CNTN5: variants seen among roughly 807,000 people sequenced by gnomAD.
CNTN5 encodes contactin 5, also known as contactin-5.
Under a neutral mutation model 129.1 loss-of-function variants are expected in CNTN5, and 77 were observed. The observed-to-expected ratio is 0.60, with a 90% CI of 0.50 to 0.72. CNTN5 has a LOEUF of 0.72. Ranked by LOEUF, CNTN5 falls within the 30% of genes least tolerant of loss-of-function variation. The pLI is 0.00. For synonymous variants in CNTN5, 509 were observed against 465.6 expected, an observed-to-expected ratio of 1.09 and a Z score of -1.20; for missense variants, 1,478 against 1,328.8, an observed-to-expected ratio of 1.11 and a Z score of -1.75.
At chr11:99,711,130 C>T (rs1954970538) in intron 3 of CNTN5, among the ~76,000 whole-genome samples, 1 of 151,810 alleles carries the variant, frequency 6.6e-6, no homozygotes, top group Non-Finnish European at 1.5e-5. Context: ...TTTGATTGTT[C>T]CTTCACCTTA....
chr11:99,560,078 A>G (rs1324149114), intron 3 of CNTN5, among the ~76,000 whole-genome samples: 1 of 152,100 alleles, frequency 6.6e-6, no homozygotes. Flanking sequence ...GAAGCAAAGG[A>G]CATTTTTTAG....
chr11:100,283,199 C>A (rs1428957807), intron 18 of CNTN5, among the ~76,000 whole-genome samples: 3 of 152,066 alleles, frequency 2.0e-5, no homozygotes, highest in Non-Finnish European at 4.4e-5. Flanking sequence ...CTTTCTTGCC[C>A]AGGATGTGTC....
intron 6 of CNTN5, among the ~76,000 whole-genome samples, chr11:99,915,502 T>C (rs1741622369): frequency 6.6e-6 from 1 of 152,164 alleles, no homozygotes; most frequent in South Asian, 2.1e-4. Flanking sequence ...TAGGCTTTCA[T>C]AAAATGAAAG....
chr11:100,093,694 A>G (rs141245066), intron 13 of CNTN5, among the ~76,000 whole-genome samples: 1,642 of 152,216 alleles, frequency 0.011, 36 homozygotes, highest in African/African-American at 0.037. Context: ...GTTCAGGGCC[A>G]CAATCAGGAC....
At position 99,234,384 on chromosome 11, in the gene CNTN5, C is replaced by T. The variant is rs536219007; in HGVS notation, c.-209-90962C>T. On this transcript the variant is annotated intron_variant, in intron 1 of 24. Coordinates refer to ENST00000524871, the MANE Select transcript of CNTN5 (RefSeq NM_014361.4). Reference sequence around the variant, plus strand: ...AAATAAAGGATTCTGTCTTCCTCAACGCTCTATTCGTAGATCTTAGCATTA... The same window carrying T: ...AAATAAAGGATTCTGTCTTCCTCAATGCTCTATTCGTAGATCTTAGCATTA... Among the ~76,000 whole-genome samples, 8 of 152,250 alleles carry T rather than the reference C, an allele frequency of 5.3e-5. No homozygotes were observed. In the East Asian group the frequency reaches 5.8e-4, roughly 11 times the overall value.
chr11:100,318,655 T>C (rs888797218), intron 21 of CNTN5, among the ~76,000 whole-genome samples: 8 of 152,272 alleles, frequency 5.3e-5, no homozygotes, highest in Non-Finnish European at 5.9e-5. Context: ...TTCTAAATTG[T>C]GAAAAAATCT....
chr11:99,718,485 A>G (rs1943059157), intron 3 of CNTN5, among the ~76,000 whole-genome samples: 1 of 152,144 alleles, frequency 6.6e-6, no homozygotes, highest in African/African-American at 2.4e-5. Context: ...AAATATAGAC[A>G]AGTAAAACAT....
intron 9 of CNTN5, among the ~76,000 whole-genome samples, chr11:100,051,182 C>T (rs1942935433): frequency 6.6e-6 from 1 of 151,972 alleles, no homozygotes; most frequent in Admixed American, 6.6e-5. Context: ...AAGAACTCTA[C>T]CAACCAACAG....
chr11:99,331,482 A>T (rs1018485231), intron 2 of CNTN5, among the ~76,000 whole-genome samples: 3 of 152,158 alleles, frequency 2.0e-5, no homozygotes, highest in Admixed American at 1.3e-4. Context: ...TTAGACCCAC[A>T]AAAAGCAGTT....
At chr11:99,166,397 CA>C (rs57810491) in intron 1 of CNTN5, among the ~76,000 whole-genome samples, 19,995 of 82,804 alleles carry the variant, frequency 0.24, 1,242 homozygotes, top group East Asian at 0.42. Context: ...AAGACTCTGT[CA>C]AAAAAAAAAA....
At chr11:99,750,745 C>T (rs75861808) in intron 3 of CNTN5, among the ~76,000 whole-genome samples, 2,024 of 152,208 alleles carry the variant, frequency 0.013, 38 homozygotes, top group African/African-American at 0.043. Context: ...ACTTATCACA[C>T]GAACAATATC....
intron 3 of CNTN5, among the ~76,000 whole-genome samples, chr11:99,558,831 G>T (rs1435414201): frequency 6.6e-6 from 1 of 151,978 alleles, no homozygotes; most frequent in Non-Finnish European, 1.5e-5. Context: ...TTGCTACATG[G>T]GATTTGATCT....
intron 6 of CNTN5, among the ~76,000 whole-genome samples, chr11:99,885,740 G>A (rs1183712272): frequency 6.6e-6 from 1 of 151,990 alleles, no homozygotes; most frequent in Non-Finnish European, 1.5e-5. Flanking sequence ...GTAATAAAGA[G>A]ATAAGACAAA....
intron 3 of CNTN5, among the ~76,000 whole-genome samples, chr11:99,584,284 A>C (rs1306142201): frequency 1.3e-5 from 2 of 152,186 alleles, no homozygotes; most frequent in Non-Finnish European, 2.9e-5. Flanking sequence ...TACTTGAAAA[A>C]TAATTGCATG....
At chr11:99,893,841 A>G (rs1366418437) in intron 6 of CNTN5, among the ~76,000 whole-genome samples, 1 of 152,026 alleles carries the variant, frequency 6.6e-6, no homozygotes, top group East Asian at 1.9e-4. Flanking sequence ...ATATTTTGTC[A>G]TATATTTGGC....
At chr11:100,180,920 G>A (rs183644857) in intron 13 of CNTN5, among the ~76,000 whole-genome samples, 1 of 152,094 alleles carries the variant, frequency 6.6e-6, no homozygotes, top group Admixed American at 6.6e-5. Flanking sequence ...TGGTGATGAT[G>A]TGTACAAAGT....
At position 99,080,837 on chromosome 11, in the gene CNTN5, G is replaced by A. The variant is rs149816927; in HGVS notation, c.-210+59567G>A. Among the ~76,000 whole-genome samples the A allele has an allele frequency of 9.1e-3, 1,386 of 152,244 alleles. 12 individuals carry two copies. The highest frequency in any genetic ancestry group is 0.027 in the Middle Eastern group (8 of 294). On this transcript the variant is annotated intron_variant, in intron 1 of 24. Coordinates refer to ENST00000524871, the MANE Select transcript of CNTN5 (RefSeq NM_014361.4). ...TGAGGACGATTAAATGAACTAGATG[G>A]TCTAGAAAATAAGGCATTGAGCATT... is the stretch of plus-strand genomic sequence containing the variant.
intron 2 of CNTN5, among the ~76,000 whole-genome samples, chr11:99,388,677 T>G (rs1941063321): frequency 6.6e-6 from 1 of 152,136 alleles, no homozygotes; most frequent in African/African-American, 2.4e-5. Context: ...TCTATGTCAG[T>G]GAAAGAAAGA....
At chr11:99,742,565 C>T (rs1943920480) in intron 3 of CNTN5, among the ~76,000 whole-genome samples, 1 of 152,082 alleles carries the variant, frequency 6.6e-6, no homozygotes, top group African/African-American at 2.4e-5. Context: ...CTCTAAAACA[C>T]TTTAATTCTG....
Sources: gnomAD v4.1 joint callset for allele counts (sites outside exome capture counted in the v4.1 genomes callset) on GRCh38, gnomAD v4.1.1 for gene constraint, MANE v1.5 for transcripts, NCBI Gene and HGNC (gene_info 2026-07-23, HGNC 2026-07-21) for gene names.